Variants in WWOX observed in about 807,000 individuals in gnomAD.
The protein encoded by WWOX is WW domain containing oxidoreductase.
Under a neutral mutation model 46.2 loss-of-function variants are expected in WWOX, and 69 were observed. That is an observed-to-expected ratio of 1.49 (90% CI 1.23 to 1.82). WWOX has a LOEUF of 1.82. Ranked by LOEUF, WWOX falls within the 40% of genes most tolerant of loss-of-function variation. WWOX has a pLI of 0.00. For missense variants in WWOX, 919 were observed against 542.6 expected, an observed-to-expected ratio of 1.69 and a Z score of -6.89; for synonymous variants, 359 against 202.6, an observed-to-expected ratio of 1.77 and a Z score of -6.56.
At chr16:79,094,959 G>C (rs1478176075) in intron 8 of WWOX, among the ~76,000 whole-genome samples, 1 of 152,094 alleles carries the variant, frequency 6.6e-6, no homozygotes, top group Non-Finnish European at 1.5e-5. Context: ...CGCCTGGTCA[G>C]CTTCTGAATT....
At chr16:78,978,224 G>A (rs1224451405) in intron 8 of WWOX, among the ~76,000 whole-genome samples, 1 of 152,106 alleles carries the variant, frequency 6.6e-6, no homozygotes, top group African/African-American at 2.4e-5. Flanking sequence ...TACCACAGTT[G>A]GTTGACCCAT....
chr16:79,190,102 G>A (rs1177737769), intron 8 of WWOX, among the ~76,000 whole-genome samples: 1 of 151,948 alleles, frequency 6.6e-6, no homozygotes, highest in African/African-American at 2.4e-5. Context: ...TCGGCTCACT[G>A]CAACCTCAGT....
At chr16:79,010,629 G>C (rs1474448449) in intron 8 of WWOX, among the ~76,000 whole-genome samples, 8 of 152,240 alleles carry the variant, frequency 5.3e-5, no homozygotes, top group African/African-American at 1.9e-4. Context: ...AACAAATCAG[G>C]GAAGGAGGAG....
At chr16:78,270,357 G>A (rs1189988544) in intron 5 of WWOX, 1 of 152,178 alleles carries the variant, frequency 6.6e-6, no homozygotes, top group Non-Finnish European at 1.5e-5. Flanking sequence ...AGGAGCAGAG[G>A]ACAGGATGGC....
At chr16:78,995,370 G>A (rs1017227202) in intron 8 of WWOX, among the ~76,000 whole-genome samples, 8 of 152,058 alleles carry the variant, frequency 5.3e-5, no homozygotes, top group African/African-American at 1.7e-4. Context: ...CCTGTGGACT[G>A]CGTTCTTTGG....
intron 8 of WWOX, among the ~76,000 whole-genome samples, chr16:78,973,658 C>A (rs936079186): frequency 1.3e-5 from 2 of 152,254 alleles, no homozygotes; most frequent in Admixed American, 6.5e-5. Context: ...TTTGCCTTGT[C>A]TGGTTTTTCA....
At chr16:78,326,856 T>C (rs926341971) in intron 5 of WWOX, among the ~76,000 whole-genome samples, 7 of 152,094 alleles carry the variant, frequency 4.6e-5, no homozygotes, top group Non-Finnish European at 8.8e-5. Flanking sequence ...GCTCAGTATC[T>C]GGGGCTTTTT....
rs753812174 is a variant in WWOX, at chr16:78,394,603, G to C, written c.605+7655G>C. ...AAAAACATCAAAGTATGACCGTAAA[G>C]GGCAGAGGTAGGTAAACTTCTTGTA... On this transcript the variant is annotated intron_variant, in intron 6 of 8. Coordinates refer to ENST00000566780, the MANE Select transcript of WWOX (RefSeq NM_016373.4). 5.9e-5 allele frequency among the ~76,000 whole-genome samples: 9 copies of C among 152,134 alleles called. No homozygotes were observed. The South Asian group carries it at 8.3e-4, about 14-fold the overall frequency.
intron 8 of WWOX, among the ~76,000 whole-genome samples, chr16:78,986,909 A>T (rs2046794906): frequency 6.6e-6 from 1 of 152,020 alleles, no homozygotes; most frequent in African/African-American, 2.4e-5. Context: ...GACTGCAAGG[A>T]CTCAGTAAAA....
intron 8 of WWOX, among the ~76,000 whole-genome samples, chr16:78,467,074 G>C (rs1159018264): frequency 6.6e-6 from 1 of 152,132 alleles, no homozygotes; most frequent in African/African-American, 2.4e-5. Context: ...GTTTGCCTGT[G>C]TTATTAATAA....
intron 8 of WWOX, among the ~76,000 whole-genome samples, chr16:79,063,408 C>G (rs938821838): frequency 2.0e-5 from 3 of 152,134 alleles, no homozygotes; most frequent in Non-Finnish European, 4.4e-5. Context: ...GGTTGCCAGT[C>G]TGGATATGGA....
intron 8 of WWOX, among the ~76,000 whole-genome samples, chr16:79,088,605 C>G (rs767290427): frequency 1.3e-5 from 2 of 152,204 alleles, no homozygotes; most frequent in South Asian, 2.1e-4. Context: ...GTTTTCTAGA[C>G]TCACTCCATG....
intron 5 of WWOX, among the ~76,000 whole-genome samples, chr16:78,217,069 G>A (rs9934479): frequency 0.33 from 50,031 of 152,054 alleles, 8,428 homozygotes; most frequent in African/African-American, 0.39. Context: ...TAATTTCACC[G>A]GTAACCTGAA....
At chr16:79,034,099 A>T (rs1439717774) in intron 8 of WWOX, among the ~76,000 whole-genome samples, 1 of 152,132 alleles carries the variant, frequency 6.6e-6, no homozygotes, top group African/African-American at 2.4e-5. Context: ...GGGCCAGGGA[A>T]CTGAATGGGA....
At chr16:78,314,895 C>T (rs1034222966) in intron 5 of WWOX, among the ~76,000 whole-genome samples, 2 of 151,924 alleles carry the variant, frequency 1.3e-5, no homozygotes, top group Non-Finnish European at 2.9e-5. Flanking sequence ...GTTTTTCCAG[C>T]AACCTTCCCT....
chr16:78,560,940 A>G lies in WWOX; in HGVS notation c.1056+128188A>G, dbSNP rs143825514. Among the ~76,000 whole-genome samples, 511 of 152,260 alleles carry G rather than the reference A, an allele frequency of 3.4e-3. 4 individuals are homozygous for G. The highest frequency in any genetic ancestry group is 0.012 in the African/African-American group (498 of 41,540). ...ATTCACATCTTGTTTATTAACTACA[A>G]TTCTCTAGATCAGAAGCCTAGACAC... On this transcript the variant is annotated intron_variant, in intron 8 of 8. Coordinates refer to ENST00000566780, the MANE Select transcript of WWOX (RefSeq NM_016373.4).
intron 8 of WWOX, among the ~76,000 whole-genome samples, chr16:79,021,450 C>G (rs2047531553): frequency 6.6e-6 from 1 of 152,006 alleles, no homozygotes; most frequent in Non-Finnish European, 1.5e-5. Flanking sequence ...ACAGAGGAAA[C>G]CAATCATATT....
chr16:79,158,217 A>G (rs1193050596), intron 8 of WWOX, among the ~76,000 whole-genome samples: 2 of 152,208 alleles, frequency 1.3e-5, no homozygotes. Flanking sequence ...TTGGCCGGGA[A>G]GAACTATTAA....
chr16:78,753,266 C>T (rs1415278207), intron 8 of WWOX, among the ~76,000 whole-genome samples: 3 of 152,078 alleles, frequency 2.0e-5, no homozygotes, highest in Admixed American at 2.0e-4. Flanking sequence ...CACCACTACC[C>T]TCCAGCCTGG....
Sources: gnomAD v4.1 joint callset for allele counts (sites outside exome capture counted in the v4.1 genomes callset) on GRCh38, gnomAD v4.1.1 for gene constraint, MANE v1.5 for transcripts, NCBI Gene and HGNC (gene_info 2026-07-23, HGNC 2026-07-21) for gene names.